Variants in TOMM40 observed in about 807,000 individuals in gnomAD.
TOMM40 encodes the protein translocase of outer mitochondrial membrane 40.
In TOMM40, 9 loss-of-function variants were observed where a neutral mutation model predicts 38.4. The observed-to-expected ratio is 0.23, with a 90% CI of 0.14 to 0.41. The LOEUF (loss-of-function observed/expected upper bound fraction) is 0.41. TOMM40 is among the 10% of genes least tolerant of loss of function. TOMM40 has a pLI of 1.00. For synonymous variants in TOMM40, 184 were observed against 210.0 expected, an observed-to-expected ratio of 0.88 and a Z score of 1.07; for missense variants, 299 against 486.5, an observed-to-expected ratio of 0.61 and a Z score of 3.63.
chr19:44,893,914 G>C (rs73936970), intron 4 of TOMM40, 33 bp downstream of exon 4: 27,495 of 1,607,602 alleles, frequency 0.017, 839 homozygotes, highest in Admixed American at 0.13. Flanking sequence ...TGCTCCCCTC[G>C]GCCACCGTGA....
rs908424845 is a variant in TOMM40, at chr19:44,891,329, C to G, written c.-87C>G. The stretch of plus-strand genomic sequence containing the variant: ...CGCCGCCGCCAGTGAGAACCGGGGC[C>G]GGAGCCGGGTGCGGATTTGCTGGGG... On this transcript the variant is annotated 5_prime_UTR_variant, in exon 1 of 9. Coordinates refer to ENST00000426677, the MANE Select transcript of TOMM40 (RefSeq NM_001128917.2). The G allele has an allele frequency of 2.8e-5, 34 of 1,213,684 alleles. No individual in the cohort carries two copies. The highest frequency in any genetic ancestry group is 4.4e-5 in the Admixed American group (1 of 22,792). 75.2% of individuals were successfully genotyped at this position (1,213,684 alleles called of 1,614,324 possible).
intron 5 of TOMM40, among the ~76,000 whole-genome samples, chr19:44,898,941 G>A (rs1438070715): frequency 2.0e-5 from 3 of 151,500 alleles, no homozygotes; most frequent in Admixed American, 1.3e-4. Flanking sequence ...TCAGGAGATC[G>A]AGACCACGGT....
At position 44,894,019 on chromosome 19, in the gene TOMM40, T is replaced by A. The variant is rs1969518020; in HGVS notation, c.596T>A (p.Phe199Tyr). The A allele has an allele frequency of 6.5e-7, 1 of 1,538,912 alleles. No individual in the cohort carries two copies. The highest frequency in any genetic ancestry group is 8.8e-7 in the Non-Finnish European group (1 of 1,139,958). The change falls in exon 5 of 9, where the codon TTC becomes TAC. Residue 199 changes from phenylalanine to tyrosine, a missense_variant. Transcript: ENST00000426677. ...QVDGEYRGSD[F>Y]TAAVTLGNPD... Reference sequence around the variant, plus strand: ...GACGGGGAGTATCGGGGCTCTGACTTCACAGCAGCCGTCACCCTGGGGAAC... The same window carrying A: ...GACGGGGAGTATCGGGGCTCTGACTACACAGCAGCCGTCACCCTGGGGAAC...
rs1246405659 is a variant in TOMM40, at chr19:44,891,622, C to G, written c.207C>G (p.Ala69=). The G allele has an allele frequency of 6.7e-6, 10 of 1,483,764 alleles. No homozygotes were observed. The highest frequency in any genetic ancestry group is 2.2e-5 in the Admixed American group (1 of 45,430). The allele number at this position is 1,483,764 out of a possible 1,614,324, so 91.9% of individuals were successfully genotyped here. ...CAACCGCCAGCGCCTCAGGGGCCGCCGAGGATGGGGCCTGCGGCTGCCTGC... is the reference window on the plus strand; with the variant it reads ...CAACCGCCAGCGCCTCAGGGGCCGCGGAGGATGGGGCCTGCGGCTGCCTGC... ...GAATASASGA[A]EDGACGCLPN... Residue 69 remains alanine (A), a synonymous_variant, in exon 1 of 9, where the codon GCC becomes GCG. Coordinates refer to ENST00000426677, the MANE Select transcript of TOMM40 (RefSeq NM_001128917.2).
At chr19:44,901,435 G>A in intron 8 of TOMM40, 125 bp downstream of exon 8, 1 of 1,489,084 alleles carries the variant, frequency 6.7e-7, no homozygotes, top group Non-Finnish European at 9.0e-7. Context: ...CACATTACCA[G>A]GGAACACTTG....
rs961597065 is a variant in TOMM40, at chr19:44,892,518, C to T, written c.342+58C>T. 2.9e-5 allele frequency: 43 copies of T among 1,506,838 alleles called. 1 individual carries two copies. Among genetic ancestry groups the T allele is most frequent in the Non-Finnish European group, 3.9e-5 (42 of 1,084,644 alleles). The allele number at this position is 1,506,838 out of a possible 1,614,324, so 93.3% of individuals were successfully genotyped here. A position where few individuals can be genotyped will look rare whatever the true frequency, so the allele number is the denominator to read the frequency against. ...ATCGTCCCCGCCGTCCCCCTCCCTG[C>T]ATCTGCACACTCGGCCCAATTACTC... On this transcript the variant is annotated intron_variant, in intron 2 of 8. Transcript: ENST00000426677.
At position 44,891,329 on chromosome 19, in the gene TOMM40, C is replaced by T. The variant is rs908424845; in HGVS notation, c.-87C>T. The T allele has an allele frequency of 2.1e-5, 26 of 1,213,684 alleles. No homozygotes were observed. Among genetic ancestry groups the T allele is most frequent in the Non-Finnish European group, 2.7e-5 (26 of 975,682 alleles). The allele number at this position is 1,213,684 out of a possible 1,614,324, so 75.2% of individuals were successfully genotyped here. ...CGCCGCCGCCAGTGAGAACCGGGGCCGGAGCCGGGTGCGGATTTGCTGGGG... is the reference window on the plus strand; with the variant it reads ...CGCCGCCGCCAGTGAGAACCGGGGCTGGAGCCGGGTGCGGATTTGCTGGGG... On this transcript the variant is annotated 5_prime_UTR_variant, in exon 1 of 9. Coordinates refer to ENST00000426677, the MANE Select transcript of TOMM40 (RefSeq NM_001128917.2).
chr19:44,901,547 T>G, intron 8 of TOMM40: 1 of 1,074,770 alleles, frequency 9.3e-7, no homozygotes, highest in Non-Finnish European at 1.3e-6. Flanking sequence ...CCATCCTGGC[T>G]AACACGGTGA....
rs893416112 is a variant in TOMM40, at chr19:44,903,168, G to A, written c.1085G>A (p.Ter362=). The change falls in exon 9 of 9, where the codon TGA becomes TAA. Residue 362 remains the stop codon, a stop_retained_variant. Coordinates refer to ENST00000426677, the MANE Select transcript of TOMM40 (RefSeq NM_001128917.2). Reference sequence around the variant, plus strand: ...TGTGGCTTTGGCCTCACCATCGGCTGAGCCCTCCTGGCCCCCGCCTTCCAC... The same window carrying A: ...TGTGGCTTTGGCCTCACCATCGGCTAAGCCCTCCTGGCCCCCGCCTTCCAC... The part of the protein sequence containing the change: ...FQCGFGLTIG[*] 1.2e-6 allele frequency: 2 copies of A among 1,609,074 alleles called. No homozygotes were observed. The highest frequency in any genetic ancestry group is 1.3e-5 in the African/African-American group (1 of 74,896).
chr19:44,895,735 C>T (rs1368646570), intron 5 of TOMM40, among the ~76,000 whole-genome samples: 1 of 152,050 alleles, frequency 6.6e-6, no homozygotes, highest in Non-Finnish European at 1.5e-5. Flanking sequence ...TTAGTAGAGA[C>T]AGGTTTTCGC....
rs190307640 is a variant in TOMM40 at position 44,895,475 on chromosome 19, T to A, written c.643+1409T>A. On this transcript the variant is annotated intron_variant, in intron 5 of 8. Coordinates refer to ENST00000426677, the MANE Select transcript of TOMM40 (RefSeq NM_001128917.2). ...GGAAGAAACATTTCCTGTCCCCAAC[T>A]CACCTGGTGACATCACCCCATCTTC... Among the ~76,000 whole-genome samples, 17 of 152,242 alleles carry A rather than the reference T, an allele frequency of 1.1e-4. No individual in the cohort carries two copies. The East Asian group carries it at 3.1e-3, about 28-fold the overall frequency.
Position 44,901,313 on chromosome 19 carries a change from A to G in TOMM40, c.946+3A>G. ...CAAGGCCAACCTCCTCTTCAAAGGT[A>G]AAGGTCTCGGTTCCCCTACGCGGGA... On this transcript the variant is annotated splice_donor_region_variant and intron_variant, in intron 8 of 8. Coordinates refer to ENST00000426677, the MANE Select transcript of TOMM40 (RefSeq NM_001128917.2). 6.2e-7 allele frequency: 1 copy of G among 1,613,376 alleles called. No homozygotes were observed. The highest frequency in any genetic ancestry group is 8.5e-7 in the Non-Finnish European group (1 of 1,179,716).
In TOMM40 at chr19:44,891,593, G is replaced by C. The variant is rs1285729957; in HGVS notation, c.178G>C (p.Ala60Pro). 1 of 1,468,286 alleles carries C rather than the reference G, an allele frequency of 6.8e-7. No homozygotes were observed. Among genetic ancestry groups the C allele is most frequent in the Non-Finnish European group, 9.0e-7 (1 of 1,113,508 alleles). 91.0% of individuals were successfully genotyped at this position (1,468,286 alleles called of 1,614,324 possible). Residue 60 changes from alanine to proline, a missense_variant, in exon 1 of 9, where the codon GCT becomes CCT. By Grantham distance (27) the Ala-to-Pro change is conservative. Transcript: ENST00000426677. The stretch of plus-strand genomic sequence containing the variant: ...TCGAAGTTCGGAACGGACCCCCGGG[G>C]CTGCAACCGCCAGCGCCTCAGGGGC... ...TSRSSERTPG[A>P]ATASASGAAE...
chr19:44,900,779 G>A lies in TOMM40; in HGVS notation c.693G>A (p.Leu231=), dbSNP rs753447116. The A allele has an allele frequency of 7.4e-6, 12 of 1,613,336 alleles. No individual in the cohort carries two copies. In the African/African-American group the frequency reaches 1.1e-4, roughly 14 times the overall value. The change falls in exon 6 of 9, where the codon CTG becomes CTA. Residue 231 remains leucine (L), a synonymous_variant. Transcript: ENST00000426677. ...YLQSITPCLA[L]GGELVYHRRP... is the part of the protein sequence containing the mutation. ...AGAGCATCACGCCTTGCCTGGCCCT[G>A]GGTGGAGAGCTGGTCTACCACCGGC...
At position 44,893,865 on chromosome 19, in the gene TOMM40, C is replaced by T; in HGVS notation, c.521C>T (p.Ser174Phe). 1 of 1,612,360 alleles carries T rather than the reference C, an allele frequency of 6.2e-7. No individual in the cohort carries two copies. Among genetic ancestry groups the T allele is most frequent in the Non-Finnish European group, 8.5e-7 (1 of 1,180,014 alleles). The change falls in exon 4 of 9, where the codon TCC becomes TTC. Residue 174 changes from serine (S) to phenylalanine (F), a missense_variant. Physicochemically the swap from Ser to Phe is radical, Grantham distance 155. Transcript: ENST00000426677. Reference sequence around the variant, plus strand: ...CACCAGCTGGGCCCCGGTCTCAGGTCCAAGATGGCCATCCAGGTGAGTGGG... The same window carrying T: ...CACCAGCTGGGCCCCGGTCTCAGGTTCAAGATGGCCATCCAGGTGAGTGGG... ...VIHQLGPGLR[S>F]KMAIQTQQSK...
intron 5 of TOMM40, among the ~76,000 whole-genome samples, chr19:44,897,810 TG>T (rs372367853): frequency 6.8e-6 from 1 of 146,190 alleles, no homozygotes; most frequent in African/African-American, 2.5e-5. Context: ...GAGGGAGAGA[TG>T]GGGGTCTCGC....
At chr19:44,900,936 T>A (rs1969668473) in intron 6 of TOMM40, 84 bp downstream of exon 6, 1 of 1,609,914 alleles carries the variant, frequency 6.2e-7, no homozygotes, top group African/African-American at 1.3e-5. Flanking sequence ...GCTAGGGCCC[T>A]GGACACTCAG....
intron 3 of TOMM40, among the ~76,000 whole-genome samples, chr19:44,893,468 C>G (rs926552077): frequency 6.6e-6 from 1 of 152,228 alleles, no homozygotes; most frequent in Admixed American, 6.5e-5. Flanking sequence ...TGTGTTTATT[C>G]TGCAAACCTT....
At position 44,891,364 on chromosome 19, in the gene TOMM40, G is replaced by A; in HGVS notation, c.-52G>A. The A allele has an allele frequency of 8.1e-7, 1 of 1,230,936 alleles. No homozygotes were observed. The highest frequency in any genetic ancestry group is 1.0e-6 in the Non-Finnish European group (1 of 985,546). The allele number at this position is 1,230,936 out of a possible 1,614,324, so 76.3% of individuals were successfully genotyped here. On this transcript the variant is annotated 5_prime_UTR_variant, in exon 1 of 9. Coordinates refer to ENST00000426677, the MANE Select transcript of TOMM40 (RefSeq NM_001128917.2). ...TGCGGATTTGCTGGGGCTGAGTCGG[G>A]GGCGCGCGGGCCCTGACCTCTGCCC...
Sources: allele counts gnomAD v4.1 joint callset (sites outside exome capture counted in the v4.1 genomes callset), GRCh38; gene constraint gnomAD v4.1.1; transcripts MANE v1.5; gene names NCBI Gene and HGNC (gene_info 2026-07-23, HGNC 2026-07-21).